The following LRRFIP1 variants were observed in gnomAD, a reference collection of about 807,000 sequenced individuals.
The protein encoded by LRRFIP1 is leucine-rich repeat flightless-interacting protein 1.
LRRFIP1 carries 62 observed loss-of-function variants against 104.4 expected under a neutral mutation model. That is an observed-to-expected ratio of 0.59 (90% confidence interval 0.48 to 0.73). The LOEUF (loss-of-function observed/expected upper bound fraction) is 0.73. LRRFIP1 is among the 30% of genes least tolerant of loss of function. LRRFIP1 has a pLI of 0.00. For synonymous variants in LRRFIP1, 300 were observed against 299.0 expected (o/e 1.00, Z -0.03); for missense variants, 796 against 824.5 (o/e 0.97, Z 0.42).
intron 1 of LRRFIP1, among the ~76,000 whole-genome samples, chr2:237,651,869 TG>T (rs1233634423): frequency 6.6e-6 from 1 of 152,274 alleles, no homozygotes; most frequent in African/African-American, 2.4e-5. Flanking sequence ...ATTAAGCCTT[TG>T]GAATCTGGCA....
At chr2:237,647,973 C>G (rs1040966236) in intron 1 of LRRFIP1, among the ~76,000 whole-genome samples, 1 of 152,118 alleles carries the variant, frequency 6.6e-6, no homozygotes, top group Non-Finnish European at 1.5e-5. Flanking sequence ...TTTCCAGAAT[C>G]TGGGGGAAGA....
intron 1 of LRRFIP1, among the ~76,000 whole-genome samples, chr2:237,637,157 A>T (rs1046420060): frequency 6.6e-6 from 1 of 152,174 alleles, no homozygotes; most frequent in African/African-American, 2.4e-5. Context: ...AAAATATGAG[A>T]TTTTCATAGC....
At chr2:237,776,277 T>C (rs1015461725) in intron 23 of LRRFIP1, among the ~76,000 whole-genome samples, 2 of 152,238 alleles carry the variant, frequency 1.3e-5, no homozygotes, top group Non-Finnish European at 2.9e-5. Flanking sequence ...CCTTCTAGCC[T>C]ACTTTTGCTA....
chr2:237,689,787 C>A (rs889176962), intron 1 of LRRFIP1, among the ~76,000 whole-genome samples: 1 of 152,190 alleles, frequency 6.6e-6, no homozygotes, highest in African/African-American at 2.4e-5. Context: ...AAAGAGGGGA[C>A]TCCAGAGGCA....
At chr2:237,730,161 T>A (rs1026047314) in intron 8 of LRRFIP1, among the ~76,000 whole-genome samples, 7 of 152,210 alleles carry the variant, frequency 4.6e-5, no homozygotes, top group Admixed American at 2.0e-4. Context: ...ATTAGAAGAA[T>A]GCTCTTGAAT....
rs1475152067 is a variant in LRRFIP1, at chr2:237,708,601, A to G, written c.154A>G (p.Met52Val). ...CCGCGCGGAGGCTCGCGAGATCCGC[A>G]TGAAGGAGCTGGAGCGGCAGCAGAA... is the stretch of plus-strand genomic sequence containing the variant. The part of the protein sequence containing the change: ...AARAEAREIR[M>V]KELERQQKEI... Residue 52 changes from methionine (M) to valine (V), a missense_variant, in exon 2 of 24, where the codon ATG becomes GTG. Met to Val is a conservative substitution (Grantham distance 21, BLOSUM62 1). Coordinates refer to ENST00000308482, the MANE Select transcript of LRRFIP1 (RefSeq NM_001137550.2). 4 of 1,602,100 alleles carry G rather than the reference A, an allele frequency of 2.5e-6. No homozygotes were observed. The highest frequency in any genetic ancestry group is 2.6e-6 in the Non-Finnish European group (3 of 1,172,640).
intron 8 of LRRFIP1, 94 bp from the exon 9 acceptor site, chr2:237,733,680 G>T: frequency 8.0e-7 from 1 of 1,252,818 alleles, no homozygotes; most frequent in Non-Finnish European, 1.2e-6. Flanking sequence ...AGTTGGCTAT[G>T]GTGAATGCTG....
At chr2:237,719,645 A>C (rs774279134) in intron 5 of LRRFIP1, 78 bp downstream of exon 5, 28 of 932,326 alleles carry the variant, frequency 3.0e-5, no homozygotes, top group Non-Finnish European at 4.6e-5. Context: ...AAGTATATAT[A>C]ATATATTCAA....
At chr2:237,772,384 A>G (rs1055437327) in intron 21 of LRRFIP1, 186 bp downstream of exon 21, 82 of 557,406 alleles carry the variant, frequency 1.5e-4, no homozygotes, top group Non-Finnish European at 1.5e-4. Flanking sequence ...CTCTGAGCCT[A>G]TGAAATAGAA....
At chr2:237,699,631 C>T (rs1240788803) in intron 1 of LRRFIP1, among the ~76,000 whole-genome samples, 1 of 152,198 alleles carries the variant, frequency 6.6e-6, no homozygotes, top group African/African-American at 2.4e-5. Flanking sequence ...GGATTACAGG[C>T]GTGAGCCACC....
intron 1 of LRRFIP1, among the ~76,000 whole-genome samples, chr2:237,660,980 TCTC>T (rs1272700586): frequency 6.6e-6 from 1 of 151,988 alleles, no homozygotes; most frequent in Non-Finnish European, 1.5e-5. Context: ...AGCTCTCGGA[TCTC>T]CTCTTGTGAA....
chr2:237,754,289 A>T (rs1223343606), intron 15 of LRRFIP1, among the ~76,000 whole-genome samples: 1 of 152,226 alleles, frequency 6.6e-6, no homozygotes, highest in African/African-American at 2.4e-5. Flanking sequence ...TAAGAATTAA[A>T]TATATCACCA....
chr2:237,689,001 G>A (rs1213620294), intron 1 of LRRFIP1, among the ~76,000 whole-genome samples: 1 of 151,196 alleles, frequency 6.6e-6, no homozygotes, highest in Non-Finnish European at 1.5e-5. Context: ...TCAAGTTTGT[G>A]GGTTCCAGTC....
chr2:237,770,046 C>A, intron 20 of LRRFIP1, 54 bp downstream of exon 20: 1 of 1,392,488 alleles, frequency 7.2e-7, no homozygotes, highest in Non-Finnish European at 1.0e-6. Context: ...CTGAAACCAC[C>A]TGCCCATCCT....
intron 1 of LRRFIP1, among the ~76,000 whole-genome samples, chr2:237,678,449 A>G (rs1385340327): frequency 1.3e-5 from 2 of 152,164 alleles, no homozygotes; most frequent in Non-Finnish European, 2.9e-5. Flanking sequence ...CAGCTCCCAC[A>G]TCCCTTGGTA....
At chr2:237,723,612 G>A (rs767378282) in intron 7 of LRRFIP1, 26 bp downstream of exon 7, 3 of 1,613,316 alleles carry the variant, frequency 1.9e-6, no homozygotes, top group Non-Finnish European at 2.5e-6. Context: ...ATACTTTGCT[G>A]TGTGACCTTA....
intron 1 of LRRFIP1, among the ~76,000 whole-genome samples, chr2:237,692,887 C>T: frequency 6.6e-6 from 1 of 152,236 alleles, no homozygotes; most frequent in East Asian, 1.9e-4. Context: ...CATCAAGGAC[C>T]GGGTGGCCAG....
intron 1 of LRRFIP1, among the ~76,000 whole-genome samples, chr2:237,656,642 C>T (rs539466112): frequency 6.6e-6 from 1 of 152,154 alleles, no homozygotes; most frequent in South Asian, 2.1e-4. Flanking sequence ...ATGTGACTCA[C>T]GTATGATTAT....
chr2:237,642,910 T>A (rs2084244161), intron 1 of LRRFIP1, among the ~76,000 whole-genome samples: 1 of 152,202 alleles, frequency 6.6e-6, no homozygotes, highest in Admixed American at 6.5e-5. Flanking sequence ...CCAGGCTACC[T>A]GGAGAGGGAA....
Sources: gnomAD v4.1 joint callset for allele counts (sites outside exome capture counted in the v4.1 genomes callset) on GRCh38, gnomAD v4.1.1 for gene constraint, MANE v1.5 for transcripts, NCBI Gene and HGNC (gene_info 2026-07-23, HGNC 2026-07-21) for gene names.